The following NPAS3 variants were observed in gnomAD, a reference collection of about 807,000 sequenced individuals.
NPAS3 encodes the protein neuronal PAS domain protein 3.
NPAS3 carries 14 observed loss-of-function variants against 73.1 expected under a neutral mutation model. The observed-to-expected ratio is 0.19, with a 90% CI of 0.13 to 0.30. NPAS3 has a LOEUF of 0.30. Among genes scored for constraint, NPAS3 ranks in the 10% least tolerant of loss-of-function variants. The probability of loss-of-function intolerance (pLI) is 1.00; values close to 1 mark genes in which losing one functional copy is unlikely to be tolerated. For synonymous variants in NPAS3, 620 were observed against 541.5 expected (o/e 1.14, Z -2.01); for missense variants, 1,096 against 1,250.0 (o/e 0.88, Z 1.86).
chr14:33,636,154 A>G (rs1257302951), intron 5 of NPAS3, among the ~76,000 whole-genome samples: 1 of 152,164 alleles, frequency 6.6e-6, no homozygotes, highest in Non-Finnish European at 1.5e-5. Context: ...TCCCAACCTC[A>G]GGTGATCCAT....
At chr14:33,023,026 A>G (rs1022333935) in intron 1 of NPAS3, among the ~76,000 whole-genome samples, 1 of 152,132 alleles carries the variant, frequency 6.6e-6, no homozygotes, top group Admixed American at 6.5e-5. Flanking sequence ...TCTACCTGAG[A>G]GCTGCCCTCA....
chr14:33,540,281 A>C (rs1285765980), intron 4 of NPAS3, among the ~76,000 whole-genome samples: 2 of 152,198 alleles, frequency 1.3e-5, no homozygotes, highest in Non-Finnish European at 2.9e-5. Context: ...CTTATCAGTA[A>C]TGGAAACATT....
intron 4 of NPAS3, among the ~76,000 whole-genome samples, chr14:33,524,458 A>G (rs1375732788): frequency 1.3e-5 from 2 of 152,182 alleles, no homozygotes; most frequent in African/African-American, 4.8e-5. Flanking sequence ...AATTTTTACA[A>G]AAGAGGAAAT....
chr14:33,801,439 G>C (rs2063712640), downstream of NPAS3: 3 of 339,728 alleles, frequency 8.8e-6, no homozygotes, highest in Middle Eastern at 9.2e-4. Flanking sequence ...ACTCAGTCTT[G>C]TGGTCAAGAG....
intron 4 of NPAS3, among the ~76,000 whole-genome samples, chr14:33,495,741 CT>C (rs1041472853): frequency 2.0e-5 from 3 of 151,668 alleles, no homozygotes; most frequent in African/African-American, 7.3e-5. Flanking sequence ...CCTTCTTTGT[CT>C]TTTTTTTAAT....
At chr14:33,494,782 A>G (rs2052085222) in intron 4 of NPAS3, among the ~76,000 whole-genome samples, 1 of 152,096 alleles carries the variant, frequency 6.6e-6, no homozygotes, top group Admixed American at 6.6e-5. Context: ...AGAAATAAAA[A>G]AATATATGTC....
intron 2 of NPAS3, among the ~76,000 whole-genome samples, chr14:33,112,985 G>A (rs576730522): frequency 8.5e-5 from 13 of 152,174 alleles, no homozygotes; most frequent in East Asian, 3.9e-4. Context: ...GTAGATATGC[G>A]GCATTATTTC....
At chr14:33,396,274 T>C (rs2047219047) in intron 4 of NPAS3, among the ~76,000 whole-genome samples, 1 of 152,170 alleles carries the variant, frequency 6.6e-6, no homozygotes, top group African/African-American at 2.4e-5. Context: ...CTCTCAGATT[T>C]TGATGCAAAA....
intron 3 of NPAS3, among the ~76,000 whole-genome samples, chr14:33,340,098 CAT>C (rs1297876637): frequency 6.6e-6 from 1 of 152,022 alleles, no homozygotes; most frequent in African/African-American, 2.4e-5. Context: ...AATAAGGAAA[CAT>C]ATAGTTGTTT....
intron 3 of NPAS3, among the ~76,000 whole-genome samples, chr14:33,317,328 C>T (rs569046614): frequency 2.0e-5 from 3 of 152,120 alleles, no homozygotes; most frequent in East Asian, 3.9e-4. Context: ...TTCTAGTGAT[C>T]CCAACTCTAT....
At chr14:33,622,395 G>T (rs116735284) in intron 5 of NPAS3, among the ~76,000 whole-genome samples, 1,701 of 152,014 alleles carry the variant, frequency 0.011, 35 homozygotes, top group African/African-American at 0.038. Context: ...ACATGATGAA[G>T]TTACTAGTCC....
At chr14:33,079,224 C>T (rs1160235282) in intron 2 of NPAS3, among the ~76,000 whole-genome samples, 1 of 152,102 alleles carries the variant, frequency 6.6e-6, no homozygotes, top group Non-Finnish European at 1.5e-5. Flanking sequence ...ACCATCTTTC[C>T]TCCTCCATGT....
intron 2 of NPAS3, among the ~76,000 whole-genome samples, chr14:33,103,088 C>T (rs2042624250): frequency 6.6e-6 from 1 of 152,100 alleles, no homozygotes; most frequent in South Asian, 2.1e-4. Flanking sequence ...AGTATACATA[C>T]CAATACCTTA....
chr14:32,990,950 C>A (rs1245394023), intron 1 of NPAS3, among the ~76,000 whole-genome samples: 2 of 148,818 alleles, frequency 1.3e-5, no homozygotes, highest in Non-Finnish European at 3.0e-5. Context: ...CAAAAAAAAA[C>A]AAGCCACTGA....
chr14:33,040,245 G>A (rs192125069), intron 1 of NPAS3, among the ~76,000 whole-genome samples: 364 of 152,186 alleles, frequency 2.4e-3, no homozygotes, highest in Non-Finnish European at 4.2e-3. Flanking sequence ...CTATTGAATG[G>A]AGGAATTTAT....
chr14:33,712,360 A>T (rs774437554), intron 6 of NPAS3, among the ~76,000 whole-genome samples: 1 of 152,204 alleles, frequency 6.6e-6, no homozygotes, highest in Non-Finnish European at 1.5e-5. Context: ...TTCAAGTGGC[A>T]TCTGCTATGA....
intron 1 of NPAS3, among the ~76,000 whole-genome samples, chr14:33,052,886 T>A (rs2040759122): frequency 6.6e-6 from 1 of 152,196 alleles, no homozygotes; most frequent in Non-Finnish European, 1.5e-5. Flanking sequence ...TACTTATCAC[T>A]GAAAACCAGG....
intron 4 of NPAS3, among the ~76,000 whole-genome samples, chr14:33,489,318 A>G (rs188727421): frequency 2.6e-4 from 39 of 152,316 alleles, no homozygotes; most frequent in African/African-American, 9.1e-4. Context: ...ATGGTAAACA[A>G]TAACTACAGT....
At chr14:33,251,237 T>G (rs1214564046) in intron 3 of NPAS3, among the ~76,000 whole-genome samples, 3 of 152,178 alleles carry the variant, frequency 2.0e-5, no homozygotes, top group Admixed American at 6.5e-5. Context: ...TTCCTTTTTC[T>G]TTTCTTATAC....
Sources: gnomAD v4.1 joint callset for allele counts (sites outside exome capture counted in the v4.1 genomes callset) on GRCh38, gnomAD v4.1.1 for gene constraint, MANE v1.5 for transcripts, NCBI Gene and HGNC (gene_info 2026-07-23, HGNC 2026-07-21) for gene names.